Variants in STIL observed in about 807,000 individuals in gnomAD.
STIL encodes the protein STIL centriolar assembly protein, also known as SCL-interrupting locus protein.
STIL carries 55 observed loss-of-function variants against 110.1 expected under a neutral mutation model. That is an observed-to-expected ratio of 0.50 (90% confidence interval 0.40 to 0.63). The LOEUF is 0.63. Ranked by LOEUF, STIL falls within the 20% of genes least tolerant of loss-of-function variation. STIL has a pLI of 0.00. For missense variants in STIL, 1,358 were observed against 1,530.0 expected, an observed-to-expected ratio of 0.89 and a Z score of 1.87; for synonymous variants, 481 against 530.0, an observed-to-expected ratio of 0.91 and a Z score of 1.27.
intron 12 of STIL, among the ~76,000 whole-genome samples, chr1:47,278,822 A>T (rs3923691): frequency 0.22 from 33,752 of 151,664 alleles, 4,418 homozygotes; most frequent in East Asian, 0.53. Context: ...TAAAAATTTT[A>T]AAAAAAACTA....
chr1:47,276,812 TA>T (rs36154290), intron 12 of STIL, among the ~76,000 whole-genome samples: 1,088 of 67,588 alleles, frequency 0.016, 22 homozygotes, highest in Non-Finnish European at 0.022. Context: ...AAACTCTGCC[TA>T]AAAAAAAAAA....
chr1:47,266,991 C>T (rs1218402731), intron 14 of STIL, among the ~76,000 whole-genome samples: 2 of 152,212 alleles, frequency 1.3e-5, no homozygotes, highest in Non-Finnish European at 2.9e-5. Flanking sequence ...TATGTCCAGC[C>T]ACACTGGCTT....
chr1:47,292,900 C>A (rs965921823), intron 8 of STIL, among the ~76,000 whole-genome samples: 4 of 152,154 alleles, frequency 2.6e-5, no homozygotes, highest in Non-Finnish European at 5.9e-5. Flanking sequence ...TAGACCTTCT[C>A]ATTTAATAGA....
chr1:47,252,027 G>A (rs1389672884), intron 16 of STIL, 105 bp from the exon 17 acceptor site: 2 of 1,194,100 alleles, frequency 1.7e-6, no homozygotes, highest in Non-Finnish European at 2.3e-6. Flanking sequence ...TCAGCTTTAA[G>A]TTCATGGTCC....
intron 14 of STIL, among the ~76,000 whole-genome samples, chr1:47,267,320 C>T (rs1354365431): frequency 6.6e-6 from 1 of 152,114 alleles, no homozygotes; most frequent in Non-Finnish European, 1.5e-5. Flanking sequence ...TTTGCCTAAC[C>T]TAGTATTTGA....
intron 6 of STIL, among the ~76,000 whole-genome samples, chr1:47,299,124 G>A (rs573465959): frequency 6.6e-6 from 1 of 151,574 alleles, no homozygotes; most frequent in South Asian, 2.1e-4. Context: ...GAGGCAGGAG[G>A]ATCACCTGAA....
At chr1:47,268,144 C>T (rs1031356207) in intron 14 of STIL, among the ~76,000 whole-genome samples, 2 of 152,078 alleles carry the variant, frequency 1.3e-5, no homozygotes, top group South Asian at 2.1e-4. Flanking sequence ...AATGGCAATA[C>T]GGAGAATCTT....
chr1:47,300,006 T>C lies in STIL; in HGVS notation c.600A>G (p.Lys200=). 1 of 1,614,142 alleles carries C rather than the reference T, an allele frequency of 6.2e-7. No individual in the cohort carries two copies. The highest frequency in any genetic ancestry group is 8.5e-7 in the Non-Finnish European group (1 of 1,180,010). Residue 200 remains lysine (K), a synonymous_variant, in exon 6 of 17, where the codon AAA becomes AAG. Coordinates refer to ENST00000371877, the MANE Select transcript of STIL (RefSeq NM_001048166.1). ...WAAVTLANNF[K]CTPVKPIPII... The stretch of plus-strand genomic sequence containing the variant: ...TGGGGATGGGCTTCACAGGTGTGCA[T>C]TTAAAGTTATTTGCTAGAGTTACTG...
chr1:47,302,025 G>A (rs756309862), intron 4 of STIL, among the ~76,000 whole-genome samples: 1 of 152,250 alleles, frequency 6.6e-6, no homozygotes, highest in Non-Finnish European at 1.5e-5. Flanking sequence ...GAAAATTAGC[G>A]CAAAGCAAAT....
intron 16 of STIL, among the ~76,000 whole-genome samples, chr1:47,254,881 A>G (rs756415154): frequency 7.2e-5 from 11 of 152,224 alleles, no homozygotes; most frequent in Non-Finnish European, 1.5e-4. Context: ...TAAAAGATCC[A>G]TAAAGTAGTC....
chr1:47,280,863 T>C lies in STIL; in HGVS notation c.1595A>G (p.His532Arg). 6.2e-7 allele frequency: 1 copy of C among 1,614,114 alleles called. No homozygotes were observed. Among genetic ancestry groups the C allele is most frequent in the Non-Finnish European group, 8.5e-7 (1 of 1,179,952 alleles). The change falls in exon 12 of 17, where the codon CAT becomes CGT. Residue 532 changes from histidine to arginine, a missense_variant. Transcript: ENST00000371877. ...IKPSSHNGPS[H>R]DIFEKLQTVS... ...TGTTTGGAGCTTTTCAAATATATCA[T>C]GAGATGGCCCATTATGAGAAGATGG...
intron 6 of STIL, among the ~76,000 whole-genome samples, chr1:47,296,276 G>A (rs1645639686): frequency 6.6e-6 from 1 of 152,198 alleles, no homozygotes; most frequent in African/African-American, 2.4e-5. Context: ...TGACTTCTAA[G>A]TGAAGGAGAC....
At chr1:47,283,593 T>A (rs142006244) in intron 10 of STIL, 1 of 152,268 alleles carries the variant, frequency 6.6e-6, no homozygotes, top group East Asian at 1.9e-4. Flanking sequence ...GTAGCACAGA[T>A]GGATGAGAAT....
In STIL at chr1:47,281,105, T is replaced by G; in HGVS notation, c.1353A>C (p.Glu451Asp). The G allele has an allele frequency of 1.2e-6, 2 of 1,614,208 alleles. No homozygotes were observed. The highest frequency in any genetic ancestry group is 1.7e-6 in the Non-Finnish European group (2 of 1,180,040). Reference sequence around the variant, plus strand: ...CCAAGTGGTTAATCAAAGGAGGATTTTCATTATTCACCATTTCCAATGGAG... The same window carrying G: ...CCAAGTGGTTAATCAAAGGAGGATTGTCATTATTCACCATTTCCAATGGAG... ...LPTPLEMVNN[E>D]NPPLINHLEH... is the part of the protein sequence containing the mutation. Residue 451 changes from glutamate to aspartate, a missense_variant, in exon 12 of 17, where the codon GAA becomes GAC. Coordinates refer to ENST00000371877, the MANE Select transcript of STIL (RefSeq NM_001048166.1).
Position 47,306,915 on chromosome 1 carries a change from G to A in STIL, c.45-1919C>T, listed in dbSNP as rs368817369. Among the ~76,000 whole-genome samples the A allele has an allele frequency of 7.2e-5, 11 of 152,294 alleles. No individual in the cohort carries two copies. The East Asian group carries it at 1.9e-3, about 27-fold the overall frequency. On this transcript the variant is annotated intron_variant, in intron 2 of 16. Transcript: ENST00000371877. ...CACACCTATGTCAGCACTTTGGGAG[G>A]CCAAGGCAGGTGGATCACTTGAGGC...
At chr1:47,279,377 G>A (rs867159459) in intron 12 of STIL, among the ~76,000 whole-genome samples, 4 of 151,908 alleles carry the variant, frequency 2.6e-5, no homozygotes, top group Admixed American at 1.3e-4. Flanking sequence ...CTACATTTCA[G>A]GTTGTTCCCA....
intron 12 of STIL, among the ~76,000 whole-genome samples, chr1:47,276,411 T>A (rs1225549952): frequency 6.6e-6 from 1 of 151,822 alleles, no homozygotes; most frequent in Non-Finnish European, 1.5e-5. Flanking sequence ...TGCATATACA[T>A]ATACATATAT....
At chr1:47,284,392 A>G (rs1033771956) in intron 10 of STIL, among the ~76,000 whole-genome samples, 1 of 152,102 alleles carries the variant, frequency 6.6e-6, no homozygotes, top group African/African-American at 2.4e-5. Context: ...GTTTCACTCT[A>G]TTACTTAGGC....
chr1:47,288,401 A>G (rs867430700), intron 9 of STIL, among the ~76,000 whole-genome samples: 1 of 151,774 alleles, frequency 6.6e-6, no homozygotes. Context: ...GGTTCAAGTG[A>G]TTCTCCTGCC....
Sources: gnomAD v4.1 joint callset for allele counts (sites outside exome capture counted in the v4.1 genomes callset) on GRCh38, gnomAD v4.1.1 for gene constraint, MANE v1.5 for transcripts, NCBI Gene and HGNC (gene_info 2026-07-23, HGNC 2026-07-21) for gene names.